Variants in FAT4 observed in about 807,000 individuals in gnomAD.
The protein encoded by FAT4 is FAT atypical cadherin 4.
Under a neutral mutation model 303.9 loss-of-function variants are expected in FAT4, and 84 were observed. That is an observed-to-expected ratio of 0.28 (90% CI 0.23 to 0.33). FAT4 has a LOEUF of 0.33. FAT4 is among the 10% of genes least tolerant of loss of function. The probability of loss-of-function intolerance (pLI) is 1.00; values close to 1 mark genes in which losing one functional copy is unlikely to be tolerated. For missense variants in FAT4, 6,005 were observed against 6,146.8 expected, an observed-to-expected ratio of 0.98 and a Z score of 0.77; for synonymous variants, 2,307 against 2,298.8, an observed-to-expected ratio of 1.00 and a Z score of -0.10.
At chr4:125,323,238 G>A (rs1306118013) in intron 2 of FAT4, among the ~76,000 whole-genome samples, 1 of 152,118 alleles carries the variant, frequency 6.6e-6, no homozygotes, top group Non-Finnish European at 1.5e-5. Flanking sequence ...ATACTATGGA[G>A]AATGAGAATA....
In FAT4 at chr4:125,415,331, C is replaced by A. The variant is rs1735003395; in HGVS notation, c.6368C>A (p.Thr2123Lys). 1 of 1,613,884 alleles carries A rather than the reference C, an allele frequency of 6.2e-7. No individual in the cohort carries two copies. Among genetic ancestry groups the A allele is most frequent in the South Asian group, 1.1e-5 (1 of 91,088 alleles). ...DREEVSNYTL[T>K]VVATDKGQPS... ...GAAGAAGTTTCTAATTATACTCTAA[C>A]AGTGGTGGCTACAGACAAAGGTCAA... Residue 2123 changes from threonine to lysine, a missense_variant, in exon 6 of 18, where the codon ACA (threonine) becomes AAA (lysine). Transcript: ENST00000394329.
chr4:125,481,498 C>G, intron 15 of FAT4, 23 bp from the exon 16 acceptor site: 1 of 1,608,110 alleles, frequency 6.2e-7, no homozygotes, highest in Non-Finnish European at 8.5e-7. Context: ...CATTCATTTT[C>G]CCTTTTTTCC....
rs149175031 is a variant in FAT4, at chr4:125,463,717, C to A, written c.11905+50C>A. The A allele has an allele frequency of 1.4e-4, 185 of 1,301,260 alleles. 1 individual carries two copies. The African/African-American group carries it at 2.4e-3, about 17-fold the overall frequency. 80.6% of individuals were successfully genotyped at this position (1,301,260 alleles called of 1,614,324 possible). A position where few individuals can be genotyped will look rare whatever the true frequency, so the allele number is the denominator to read the frequency against. ...TAAAATATAAGTTTATTTTTGCACA[C>A]AGTTTAGCAATTTTGTTTTATTATG... On this transcript the variant is annotated intron_variant, in intron 11 of 17. Coordinates refer to ENST00000394329, the MANE Select transcript of FAT4 (RefSeq NM_001291303.3).
intron 10 of FAT4, among the ~76,000 whole-genome samples, chr4:125,453,049 A>G (rs1726154288): frequency 6.6e-6 from 1 of 152,218 alleles, no homozygotes; most frequent in Non-Finnish European, 1.5e-5. Context: ...TAGGCAAGGA[A>G]GTTGAAGTAG....
chr4:125,417,563 C>T (rs1248860222), intron 7 of FAT4, among the ~76,000 whole-genome samples: 1 of 152,104 alleles, frequency 6.6e-6, no homozygotes, highest in Non-Finnish European at 1.5e-5. Context: ...TGTGAAGATT[C>T]TGCCCAATAG....
Position 125,415,321 on chromosome 4 carries a change from TATACTC to T in FAT4, c.6359_6364del (p.Tyr2120_Thr2121del). The T allele has an allele frequency of 6.2e-7, 1 of 1,614,020 alleles. No individual in the cohort carries two copies. The highest frequency in any genetic ancestry group is 8.5e-7 in the Non-Finnish European group (1 of 1,179,968). On this transcript the variant is annotated inframe_deletion, in exon 6 of 18. Transcript: ENST00000394329. ...ACTGGACAGAGAAGAAGTTTCTAAT[TATACTC>T]TAACAGTGGTGGCTACAGACAAAGG...
In FAT4 at chr4:125,451,829, A is replaced by G. The variant is rs945820499; in HGVS notation, c.10819A>G (p.Ile3607Val). 1.9e-6 allele frequency: 3 copies of G among 1,614,200 alleles called. No individual in the cohort carries two copies. The highest frequency in any genetic ancestry group is 3.3e-5 in the Admixed American group (2 of 60,022). The part of the protein sequence containing the change: ...SSTGTVHITV[I>V]DQNDNPSQSR... ...CACAGGAACTGTGCATATCACAGTT[A>G]TAGACCAAAATGACAATCCTTCACA... Residue 3607 changes from isoleucine (I) to valine (V), a missense_variant, in exon 10 of 18, where the codon ATA becomes GTA. Physicochemically the swap from Ile to Val is conservative, Grantham distance 29. Coordinates refer to ENST00000394329, the MANE Select transcript of FAT4 (RefSeq NM_001291303.3).
intron 10 of FAT4, 42 bp downstream of exon 10, chr4:125,452,852 T>C (rs1319998818): frequency 6.5e-7 from 1 of 1,534,344 alleles, no homozygotes; most frequent in African/African-American, 1.4e-5. Context: ...ACTTTAGCCA[T>C]GTCAAGTATA....
Position 125,317,163 on chromosome 4 carries a change from G to C in FAT4, c.752G>C (p.Gly251Ala). ...ATTAATGACAACCCCCCGGTTTTTGGCAGTTCTCACTACCAGGCGGGGGTG... is the reference window on the plus strand; with the variant it reads ...ATTAATGACAACCCCCCGGTTTTTGCCAGTTCTCACTACCAGGCGGGGGTG... ...QDINDNPPVF[G>A]SSHYQAGVPE... Residue 251 changes from glycine to alanine, a missense_variant, in exon 2 of 18, where the codon GGC becomes GCC. Gly to Ala is a moderately conservative substitution (Grantham distance 60). Coordinates refer to ENST00000394329, the MANE Select transcript of FAT4 (RefSeq NM_001291303.3). The surrounding 1 kb of genome is among the most constrained non-coding windows in gnomAD (Gnocchi z 7.0). 1 of 1,607,138 alleles carries C rather than the reference G, an allele frequency of 6.2e-7. No homozygotes were observed. The highest frequency in any genetic ancestry group is 8.5e-7 in the Non-Finnish European group (1 of 1,175,250).
intron 2 of FAT4, among the ~76,000 whole-genome samples, chr4:125,373,393 T>C (rs916052606): frequency 6.6e-6 from 1 of 152,136 alleles, no homozygotes; most frequent in Non-Finnish European, 1.5e-5. Context: ...AGAGGTGATA[T>C]CTAAAGGAAA....
At chr4:125,410,111 A>C (rs1314831355) in intron 5 of FAT4, among the ~76,000 whole-genome samples, 1 of 152,176 alleles carries the variant, frequency 6.6e-6, no homozygotes, top group African/African-American at 2.4e-5. Flanking sequence ...TATATGTTTC[A>C]ATAAGTAAAA....
Position 125,320,333 on chromosome 4 carries a change from GA to G in FAT4, c.3926del (p.Asn1309MetfsTer20). ...TACTTTAAATATTGATATTTTAGAT[GA>G]AAATGACAATACCCCTTCTTTCCCT... Reference protein sequence around the residue: ...TCTLNIDILDENDNTPSFPKS... With the variant: ...TCTLNIDILDXNDNTPSFPKS... On this transcript the variant is annotated frameshift_variant, in exon 2 of 18. Transcript: ENST00000394329. LOFTEE classifies it high-confidence loss of function. 2 of 1,612,976 alleles carry G rather than the reference GA, an allele frequency of 1.2e-6. No individual in the cohort carries two copies. The highest frequency in any genetic ancestry group is 1.7e-6 in the Non-Finnish European group (2 of 1,179,092).
intron 10 of FAT4, among the ~76,000 whole-genome samples, chr4:125,453,576 T>G (rs1726173308): frequency 6.6e-6 from 1 of 151,910 alleles, no homozygotes; most frequent in Admixed American, 6.6e-5. Flanking sequence ...CGCGGTGTTG[T>G]GCGCCTGTAG....
chr4:125,479,641 T>C, intron 14 of FAT4, 100 bp from the exon 15 acceptor site: 3 of 1,136,174 alleles, frequency 2.6e-6, no homozygotes, highest in Non-Finnish European at 2.3e-6. Context: ...AATAATGGAG[T>C]GCTTGAAATT....
intron 11 of FAT4, among the ~76,000 whole-genome samples, chr4:125,466,843 A>T (rs56028137): frequency 6.7e-6 from 1 of 149,210 alleles, no homozygotes; most frequent in Admixed American, 6.7e-5. Flanking sequence ...GGCATGTTCT[A>T]GGCTCACTGC....
chr4:125,421,520 A>T (rs1724887763), intron 7 of FAT4, among the ~76,000 whole-genome samples: 1 of 152,224 alleles, frequency 6.6e-6, no homozygotes. Flanking sequence ...TACCCTCAAA[A>T]ATAAATTTAA....
Position 125,317,178 on chromosome 4 carries a change from A to G in FAT4, c.767A>G (p.Gln256Arg). Residue 256 changes from glutamine (Q) to arginine (R), a missense_variant, in exon 2 of 18, where the codon CAG becomes CGG. Physicochemically the swap from Gln to Arg is conservative, Grantham distance 43 (BLOSUM62 1). Transcript: ENST00000394329. This position sits in a 1 kb window ranked among gnomAD's most constrained non-coding sequence, Gnocchi z 7.0. ...CCGGTTTTTGGCAGTTCTCACTACC[A>G]GGCGGGGGTGCCTGAGGACGCGGTT... ...NPPVFGSSHY[Q>R]AGVPEDAVVG... is the part of the protein sequence containing the mutation. 1 of 1,600,562 alleles carries G rather than the reference A, an allele frequency of 6.2e-7. No homozygotes were observed.
At chr4:125,344,851 C>T (rs1731937389) in intron 2 of FAT4, among the ~76,000 whole-genome samples, 2 of 151,976 alleles carry the variant, frequency 1.3e-5, no homozygotes, top group South Asian at 4.1e-4. Context: ...CTCTTTGTGC[C>T]TGGTGTATTT....
At chr4:125,406,200 C>T (rs550198212) in intron 3 of FAT4, among the ~76,000 whole-genome samples, 3 of 152,134 alleles carry the variant, frequency 2.0e-5, no homozygotes, top group Non-Finnish European at 4.4e-5. Context: ...TGTATATTTA[C>T]ATTCTTTTGC....
Sources: gnomAD v4.1 joint callset for allele counts (sites outside exome capture counted in the v4.1 genomes callset) on GRCh38, gnomAD v4.1.1 for gene constraint, Gnocchi (gnomAD v3.1) non-coding constraint, MANE v1.5 for transcripts, NCBI Gene and HGNC (gene_info 2026-07-23, HGNC 2026-07-21) for gene names.